Variants in CCDC6 observed in about 807,000 individuals in gnomAD.
CCDC6 encodes the protein coiled-coil domain-containing protein 6.
Under a neutral mutation model 56.6 loss-of-function variants are expected in CCDC6, and 20 were observed. The observed-to-expected ratio is 0.35, with a 90% CI of 0.25 to 0.51. CCDC6 has a LOEUF of 0.51. Among genes scored for constraint, CCDC6 ranks in the 20% least tolerant of loss-of-function variants. CCDC6 has a pLI of 0.95. For synonymous variants in CCDC6, 241 were observed against 234.4 expected, an observed-to-expected ratio of 1.03 and a Z score of -0.26; for missense variants, 367 against 601.1, an observed-to-expected ratio of 0.61 and a Z score of 4.07.
chr10:59,868,520 C>A (rs1456633424), intron 1 of CCDC6, among the ~76,000 whole-genome samples: 1 of 152,206 alleles, frequency 6.6e-6, no homozygotes, highest in Non-Finnish European at 1.5e-5. Context: ...TCTAATAAAA[C>A]CCCACATCTC....
intron 3 of CCDC6, among the ~76,000 whole-genome samples, 163 bp from the exon 4 acceptor site, chr10:59,814,918 A>G (rs2070699759): frequency 7.7e-6 from 1 of 130,440 alleles, no homozygotes; most frequent in Non-Finnish European, 1.6e-5. Context: ...TTAAACTTTG[A>G]AAAAAACTAG....
At chr10:59,844,665 ATCACTT>A (rs2132651695) in intron 2 of CCDC6, among the ~76,000 whole-genome samples, 1 of 39,092 alleles carries the variant, frequency 2.6e-5, no homozygotes, top group African/African-American at 3.9e-4. Flanking sequence ...AGGCATGAGA[ATCACTT>A]GAATCACTTG....
intron 7 of CCDC6, among the ~76,000 whole-genome samples, chr10:59,797,843 T>C (rs2070537260): frequency 6.6e-6 from 1 of 152,132 alleles, no homozygotes; most frequent in African/African-American, 2.4e-5. Context: ...CAGTCCAATA[T>C]AATGTTCTGT....
chr10:59,834,070 C>T (rs1423381190), intron 2 of CCDC6, among the ~76,000 whole-genome samples: 1 of 152,130 alleles, frequency 6.6e-6, no homozygotes, highest in Non-Finnish European at 1.5e-5. Context: ...AAAAAAGCCA[C>T]GTATGCTTGC....
chr10:59,857,849 C>T (rs911747846), intron 1 of CCDC6, among the ~76,000 whole-genome samples: 1 of 152,152 alleles, frequency 6.6e-6, no homozygotes, highest in African/African-American at 2.4e-5. Flanking sequence ...ATCTTAACAT[C>T]TCAGTTTAAA....
chr10:59,821,974 A>G (rs2070752656), intron 3 of CCDC6, among the ~76,000 whole-genome samples: 2 of 152,340 alleles, frequency 1.3e-5, no homozygotes, highest in African/African-American at 2.4e-5. Flanking sequence ...GTTTCCTAGT[A>G]TAATTGAATA....
chr10:59,829,660 A>C (rs1044217035), intron 3 of CCDC6, among the ~76,000 whole-genome samples: 1 of 152,220 alleles, frequency 6.6e-6, no homozygotes, highest in African/African-American at 2.4e-5. Flanking sequence ...CCAATCACAA[A>C]AGACCACATA....
chr10:59,803,559 T>TA (rs1439198863), intron 7 of CCDC6, among the ~76,000 whole-genome samples: 3 of 152,164 alleles, frequency 2.0e-5, no homozygotes, highest in African/African-American at 7.2e-5. Flanking sequence ...CAAGATGTGA[T>TA]TCTTTGGCCC....
Position 59,862,516 on chromosome 10 carries a change from T to TATATAC in CCDC6, c.304-9815_304-9814insGTATAT, listed in dbSNP as rs1554886091. 3.3e-3 allele frequency among the ~76,000 whole-genome samples: 323 copies of TATATAC among 97,184 alleles called. 2 individuals carry two copies. Among genetic ancestry groups the TATATAC allele is most frequent in the Non-Finnish European group, 3.9e-3 (207 of 52,548 alleles). The allele number at this position is 97,184 out of a possible 152,430, so 63.8% of individuals were successfully genotyped here. ...AAAAAAAAAAGTATATATATATATA[T>TATATAC]ACACACACACACACACACACACACA... On this transcript the variant is annotated intron_variant, in intron 1 of 8. Transcript: ENST00000263102.
chr10:59,836,200 TG>T (rs1250225909), intron 2 of CCDC6, among the ~76,000 whole-genome samples: 2 of 152,062 alleles, frequency 1.3e-5, no homozygotes, highest in African/African-American at 4.8e-5. Context: ...CTACAGAACT[TG>T]CCTCATATAG....
intron 3 of CCDC6, among the ~76,000 whole-genome samples, chr10:59,820,697 A>G (rs10994029): frequency 0.031 from 4,719 of 152,110 alleles, 200 homozygotes; most frequent in African/African-American, 0.089. Flanking sequence ...GCAGTGAGCT[A>G]TGACTGTGCC....
At chr10:59,884,594 A>G (rs2071368418) in intron 1 of CCDC6, among the ~76,000 whole-genome samples, 1 of 152,194 alleles carries the variant, frequency 6.6e-6, no homozygotes, top group Admixed American at 6.5e-5. Context: ...CTTGAAAAGA[A>G]TGGGGCAATT....
intron 3 of CCDC6, among the ~76,000 whole-genome samples, chr10:59,816,578 AAAGT>A (rs1323137552): frequency 6.6e-6 from 1 of 152,248 alleles, no homozygotes; most frequent in Non-Finnish European, 1.5e-5. Flanking sequence ...TACCATTTGC[AAAGT>A]AAGGGACAAA....
At chr10:59,892,457 T>C (rs1279636502) in intron 1 of CCDC6, among the ~76,000 whole-genome samples, 3 of 152,142 alleles carry the variant, frequency 2.0e-5, no homozygotes, top group Non-Finnish European at 4.4e-5. Flanking sequence ...CATGGGTCGT[T>C]AGAAGCCAGG....
At chr10:59,850,923 T>C (rs141289696) in intron 2 of CCDC6, among the ~76,000 whole-genome samples, 1 of 152,212 alleles carries the variant, frequency 6.6e-6, no homozygotes, top group African/African-American at 2.4e-5. Context: ...TATGTTCTTA[T>C]GTTTTCATTC....
chr10:59,887,049 A>T (rs2132679616), intron 1 of CCDC6, among the ~76,000 whole-genome samples: 1 of 152,344 alleles, frequency 6.6e-6, no homozygotes. Context: ...TAGAAGCAAC[A>T]TCTATTCGAA....
At chr10:59,862,734 A>T (rs1004362742) in intron 1 of CCDC6, among the ~76,000 whole-genome samples, 5 of 152,090 alleles carry the variant, frequency 3.3e-5, no homozygotes, top group Non-Finnish European at 7.4e-5. Context: ...ATTGACAAAA[A>T]TTAACAAGTT....
At chr10:59,835,894 C>CA (rs1436622195) in intron 2 of CCDC6, among the ~76,000 whole-genome samples, 3 of 151,568 alleles carry the variant, frequency 2.0e-5, no homozygotes, top group South Asian at 2.1e-4. Flanking sequence ...TCTGTCTCTA[C>CA]AAAAAAAGAT....
rs545645154 is a variant in CCDC6 at position 59,812,212 on chromosome 10, A to T, written c.847+423T>A. ...TTAAGTATAAATTTCAAAAGCATTT[A>T]CTCTTCAAATAGCATGAACAAATGT... On this transcript the variant is annotated intron_variant, in intron 5 of 8. Transcript: ENST00000263102. Among the ~76,000 whole-genome samples the T allele has an allele frequency of 7.9e-5, 12 of 152,184 alleles. No homozygotes were observed. In the South Asian group the frequency reaches 1.4e-3, roughly 18 times the overall value.
Sources: allele counts gnomAD v4.1 joint callset (sites outside exome capture counted in the v4.1 genomes callset), GRCh38; gene constraint gnomAD v4.1.1; transcripts MANE v1.5; gene names NCBI Gene and HGNC (gene_info 2026-07-23, HGNC 2026-07-21).